Variants in GRM7 observed in about 807,000 individuals in gnomAD.
GRM7 encodes the protein glutamate metabotropic receptor 7.
In GRM7, 35 loss-of-function variants were observed where a neutral mutation model predicts 84.5. The ratio of observed to expected loss-of-function variants is 0.41; its 90% CI spans 0.32 to 0.55. GRM7 has a LOEUF of 0.55. Among genes scored for constraint, GRM7 ranks in the 20% least tolerant of loss-of-function variants. The pLI, the probability that GRM7 is intolerant of heterozygous loss-of-function variation, is 0.19. For synonymous variants in GRM7, 487 were observed against 455.1 expected (o/e 1.07, Z -0.89); for missense variants, 1,003 against 1,194.6 (o/e 0.84, Z 2.36).
intron 7 of GRM7, among the ~76,000 whole-genome samples, chr3:7,569,224 T>C (rs1024137660): frequency 6.6e-6 from 1 of 152,084 alleles, no homozygotes; most frequent in South Asian, 2.1e-4. Flanking sequence ...ATCTAACTAC[T>C]CTGGTGGGGA....
intron 7 of GRM7, among the ~76,000 whole-genome samples, chr3:7,504,634 G>C (rs1446569078): frequency 2.0e-5 from 3 of 152,114 alleles, no homozygotes; most frequent in Non-Finnish European, 4.4e-5. Flanking sequence ...ACCAGAAAGA[G>C]GTTGCTTTTT....
intron 4 of GRM7, among the ~76,000 whole-genome samples, chr3:7,382,997 C>T (rs958965066): frequency 6.6e-6 from 1 of 152,104 alleles, no homozygotes; most frequent in Non-Finnish European, 1.5e-5. Context: ...TCAACCGTAC[C>T]AAGTGGGCCA....
At chr3:7,170,729 C>T (rs1694955307) in intron 2 of GRM7, among the ~76,000 whole-genome samples, 1 of 152,020 alleles carries the variant, frequency 6.6e-6, no homozygotes, top group South Asian at 2.1e-4. Context: ...TTGGATGCTT[C>T]CATTCAGAAG....
chr3:7,386,036 G>A (rs1042415005), intron 4 of GRM7, among the ~76,000 whole-genome samples: 2 of 152,140 alleles, frequency 1.3e-5, no homozygotes, highest in African/African-American at 4.8e-5. Context: ...GTTTAGCAAT[G>A]TATACAATGG....
At chr3:7,052,262 C>T (rs1252039787) in intron 1 of GRM7, among the ~76,000 whole-genome samples, 1 of 151,706 alleles carries the variant, frequency 6.6e-6, no homozygotes, top group Non-Finnish European at 1.5e-5. Context: ...GCCCTGTTCT[C>T]TGCTTCACAG....
intron 1 of GRM7, among the ~76,000 whole-genome samples, chr3:7,066,584 T>C (rs1697674179): frequency 6.6e-6 from 1 of 151,898 alleles, no homozygotes; most frequent in South Asian, 2.1e-4. Flanking sequence ...CACAGCAGCA[T>C]TCTACCAGAC....
Position 6,863,478 on chromosome 3 carries a change from A to T in GRM7, c.519+1571A>T, listed in dbSNP as rs1382970664. 6.6e-6 allele frequency among the ~76,000 whole-genome samples: 1 copy of T among 152,158 alleles called. No individual in the cohort carries two copies. Among genetic ancestry groups the T allele is most frequent in the African/African-American group, 2.4e-5 (1 of 41,434 alleles). ...AAGAGGAGTGCCCATCCAAGGCTGC[A>T]GCTTGCATGGCCCCTCTGATCCTCT... On this transcript the variant is annotated intron_variant, in intron 1 of 9. Transcript: ENST00000357716. This position sits in a 1 kb window ranked among gnomAD's most constrained non-coding sequence, Gnocchi z 4.8.
intron 1 of GRM7, among the ~76,000 whole-genome samples, chr3:7,086,151 T>C (rs2125002943): frequency 6.6e-6 from 1 of 152,258 alleles, no homozygotes; most frequent in East Asian, 1.9e-4. Context: ...ATCACTGGAT[T>C]GATTCTAGTT....
At chr3:7,498,291 T>C (rs1448999252) in intron 7 of GRM7, among the ~76,000 whole-genome samples, 3 of 152,126 alleles carry the variant, frequency 2.0e-5, no homozygotes, top group African/African-American at 7.2e-5. Context: ...TAGCCTACAA[T>C]GCATTTACCC....
chr3:7,241,885 C>G (rs779928274), intron 2 of GRM7, among the ~76,000 whole-genome samples: 3 of 152,158 alleles, frequency 2.0e-5, no homozygotes, highest in Non-Finnish European at 2.9e-5. Flanking sequence ...GTTCTGTTAT[C>G]ATGCCCCAGG....
At chr3:7,404,580 G>T (rs769355861) in intron 4 of GRM7, among the ~76,000 whole-genome samples, 6 of 152,106 alleles carry the variant, frequency 3.9e-5, no homozygotes, top group Non-Finnish European at 7.4e-5. Context: ...TAATGCCTTG[G>T]AATCTACCAA....
chr3:7,323,781 A>G (rs1293438953), intron 4 of GRM7, among the ~76,000 whole-genome samples: 3 of 152,188 alleles, frequency 2.0e-5, no homozygotes, highest in South Asian at 2.1e-4. Context: ...GATTACAACA[A>G]TGACAGTAGT....
chr3:7,537,443 A>C (rs1214722133), intron 7 of GRM7, among the ~76,000 whole-genome samples: 1 of 152,190 alleles, frequency 6.6e-6, no homozygotes, highest in African/African-American at 2.4e-5. Context: ...TGAGATAGAC[A>C]GGGGTGTCTA....
chr3:7,060,437 A>G (rs74962066), intron 1 of GRM7, among the ~76,000 whole-genome samples: 619 of 151,910 alleles, frequency 4.1e-3, no homozygotes, highest in Middle Eastern at 0.01. Flanking sequence ...TGAAAAAAAC[A>G]TATGCTGTCT....
chr3:7,124,310 AGCG>A (rs1693325219), intron 1 of GRM7, among the ~76,000 whole-genome samples: 1 of 152,210 alleles, frequency 6.6e-6, no homozygotes, highest in African/African-American at 2.4e-5. Flanking sequence ...ATATTGATAG[AGCG>A]GGTCCTTTTA....
intron 2 of GRM7, among the ~76,000 whole-genome samples, chr3:7,294,938 T>G (rs374294684): frequency 1.3e-5 from 2 of 152,344 alleles, no homozygotes; most frequent in African/African-American, 4.8e-5. Context: ...AACATATACT[T>G]TTAACCAAGT....
intron 1 of GRM7, among the ~76,000 whole-genome samples, chr3:7,097,989 A>T (rs1310383478): frequency 6.6e-6 from 1 of 152,128 alleles, no homozygotes; most frequent in East Asian, 1.9e-4. Context: ...TCCTGATGAC[A>T]CACACTAAAA....
At chr3:6,997,909 C>G (rs1010327025) in intron 1 of GRM7, among the ~76,000 whole-genome samples, 1 of 151,868 alleles carries the variant, frequency 6.6e-6, no homozygotes, top group South Asian at 2.1e-4. Flanking sequence ...CACCTAAGGT[C>G]ATGAGTACGA....
At chr3:7,678,879 G>A (rs1161869873) in intron 8 of GRM7, among the ~76,000 whole-genome samples, 3 of 152,182 alleles carry the variant, frequency 2.0e-5, no homozygotes, top group Non-Finnish European at 2.9e-5. Flanking sequence ...GTGAGTTATA[G>A]GTAGGAAAAA....
Sources: allele counts gnomAD v4.1 joint callset (sites outside exome capture counted in the v4.1 genomes callset), GRCh38; gene constraint gnomAD v4.1.1; non-coding constraint Gnocchi (gnomAD v3.1); transcripts MANE v1.5; gene names NCBI Gene and HGNC (gene_info 2026-07-23, HGNC 2026-07-21).